The following RAB2A variants were observed in gnomAD, a reference collection of about 807,000 sequenced individuals.
RAB2A encodes RAB2A, member RAS oncogene family.
RAB2A carries 7 observed loss-of-function variants against 32.5 expected under a neutral mutation model. The ratio of observed to expected loss-of-function variants is 0.22; its 90% CI spans 0.12 to 0.40. The LOEUF (loss-of-function observed/expected upper bound fraction) is 0.40, where lower values mean the gene tolerates loss of function less well. Among genes scored for constraint, RAB2A ranks in the 10% least tolerant of loss-of-function variants. RAB2A has a pLI of 1.00. For synonymous variants in RAB2A, 79 were observed against 85.2 expected (o/e 0.93, Z 0.40); for missense variants, 108 against 260.7 (o/e 0.41, Z 4.03).
intron 6 of RAB2A, among the ~76,000 whole-genome samples, chr8:60,594,502 C>CT (rs1289341054): frequency 2.6e-5 from 4 of 152,262 alleles, no homozygotes; most frequent in Non-Finnish European, 5.9e-5. Context: ...TTTTATTATA[C>CT]TTTAAGTTCT....
intron 1 of RAB2A, among the ~76,000 whole-genome samples, chr8:60,544,485 T>C (rs10957144): frequency 0.55 from 82,656 of 151,132 alleles, 26,115 homozygotes; most frequent in African/African-American, 0.88. Context: ...AAAATGCTAC[T>C]ACATTTTATC....
At chr8:60,517,591 C>T (rs1006496643) in intron 1 of RAB2A, among the ~76,000 whole-genome samples, 94 of 152,210 alleles carry the variant, frequency 6.2e-4, no homozygotes, top group African/African-American at 2.2e-3. Flanking sequence ...ACCCCCAGGG[C>T]CCCTTGCGTT....
chr8:60,549,261 C>A (rs1258045548), intron 1 of RAB2A, among the ~76,000 whole-genome samples: 1 of 152,246 alleles, frequency 6.6e-6, no homozygotes. Flanking sequence ...AGGCTGCAAT[C>A]TTGGCACTTT....
intron 6 of RAB2A, among the ~76,000 whole-genome samples, chr8:60,600,879 A>G (rs1463057399): frequency 6.6e-6 from 1 of 152,230 alleles, no homozygotes; most frequent in African/African-American, 2.4e-5. Context: ...AATTTTTGTA[A>G]CAATGTACTA....
chr8:60,619,984 C>A (rs983123379), intron 7 of RAB2A, among the ~76,000 whole-genome samples: 1 of 152,194 alleles, frequency 6.6e-6, no homozygotes, highest in Admixed American at 6.5e-5. Context: ...TGCCAGAAAC[C>A]CCAAGGCTAC....
At chr8:60,566,682 T>C (rs1371559174) in intron 2 of RAB2A, among the ~76,000 whole-genome samples, 1 of 152,196 alleles carries the variant, frequency 6.6e-6, no homozygotes, top group Non-Finnish European at 1.5e-5. Context: ...CTGGTGGACA[T>C]TGGGCTTCTA....
intron 3 of RAB2A, among the ~76,000 whole-genome samples, chr8:60,577,311 A>G (rs1170776180): frequency 1.3e-5 from 2 of 152,192 alleles, no homozygotes; most frequent in Non-Finnish European, 2.9e-5. Flanking sequence ...GGCCTCCCAA[A>G]GTGCTGGGAT....
At chr8:60,585,283 TTTTGTTTTGTTTTG>T (rs1416632872) in intron 5 of RAB2A, among the ~76,000 whole-genome samples, 3 of 41,896 alleles carry the variant, frequency 7.2e-5, no homozygotes, top group African/African-American at 7.0e-4. Flanking sequence ...GCACCATTCT[TTTTGTTTTGTTTTG>T]TTTTGTTTTG....
chr8:60,623,306 C>T lies in RAB2A; in HGVS notation c.*2537C>T, dbSNP rs746605936. 6.6e-6 allele frequency: 1 copy of T among 152,168 alleles called. No individual in the cohort carries two copies. Among genetic ancestry groups the T allele is most frequent in the Non-Finnish European group, 1.5e-5 (1 of 68,026 alleles). The allele number at this position is 152,168 out of a possible 1,614,324, so 9.4% of individuals were successfully genotyped here. ...CAGGAAAATAGTCCCTATTTATCTGCTAATGGTCAAAAAGAGTTAGGATAT... is the reference window on the plus strand; with the variant it reads ...CAGGAAAATAGTCCCTATTTATCTGTTAATGGTCAAAAAGAGTTAGGATAT... On this transcript the variant is annotated 3_prime_UTR_variant, in exon 8 of 8. Transcript: ENST00000262646.
Position 60,584,272 on chromosome 8 carries a change from T to C in RAB2A, c.251T>C (p.Leu84Pro). 6.2e-7 allele frequency: 1 copy of C among 1,601,878 alleles called. No individual in the cohort carries two copies. The highest frequency in any genetic ancestry group is 8.6e-7 in the Non-Finnish European group (1 of 1,168,908). ...TACAGAGGTGCAGCAGGAGCTTTAC[T>C]AGTTTACGATATTACACGGTGAGAA... ...SYYRGAAGAL[L>P]VYDITRRDTF... Residue 84 changes from leucine (L) to proline (P), a missense_variant, in exon 4 of 8, where the codon CTA becomes CCA. Leu to Pro is a moderately conservative substitution (Grantham distance 98). Coordinates refer to ENST00000262646, the MANE Select transcript of RAB2A (RefSeq NM_002865.3).
intron 1 of RAB2A, among the ~76,000 whole-genome samples, chr8:60,539,782 A>G (rs1024336815): frequency 2.0e-5 from 3 of 152,148 alleles, no homozygotes; most frequent in Non-Finnish European, 4.4e-5. Context: ...GTACAATAAC[A>G]TTTGAACTGG....
At chr8:60,519,232 A>C (rs1397975071) in intron 1 of RAB2A, among the ~76,000 whole-genome samples, 2 of 152,200 alleles carry the variant, frequency 1.3e-5, no homozygotes. Flanking sequence ...CTGAAGCATG[A>C]ATGTCAAAAG....
At chr8:60,576,863 C>A (rs919635096) in intron 3 of RAB2A, among the ~76,000 whole-genome samples, 1 of 152,082 alleles carries the variant, frequency 6.6e-6, no homozygotes, top group Non-Finnish European at 1.5e-5. Context: ...CTTAGAGCTC[C>A]AACTGTTCTT....
chr8:60,587,754 C>G (rs934279293), intron 5 of RAB2A, among the ~76,000 whole-genome samples: 1 of 149,128 alleles, frequency 6.7e-6, no homozygotes, highest in Non-Finnish European at 1.5e-5. Context: ...GCAATTTTAC[C>G]TATCAATTTA....
intron 3 of RAB2A, 49 bp downstream of exon 3, chr8:60,572,162 G>T: frequency 7.3e-7 from 1 of 1,362,778 alleles, no homozygotes; most frequent in Non-Finnish European, 1.0e-6. Flanking sequence ...GTTACTTTAT[G>T]AAAGTACATC....
At chr8:60,582,970 A>G (rs1260624815) in intron 3 of RAB2A, among the ~76,000 whole-genome samples, 3 of 148,598 alleles carry the variant, frequency 2.0e-5, no homozygotes, top group African/African-American at 7.4e-5. Context: ...TTTTCACTCA[A>G]CAGGCTTTCT....
At chr8:60,526,968 C>CAAA (rs34685368) in intron 1 of RAB2A, among the ~76,000 whole-genome samples, 2 of 91,644 alleles carry the variant, frequency 2.2e-5, no homozygotes, top group Admixed American at 1.1e-4. Flanking sequence ...GACTCCATCT[C>CAAA]AAAAAAAAAA....
intron 5 of RAB2A, among the ~76,000 whole-genome samples, chr8:60,591,144 A>T (rs1329385839): frequency 6.6e-6 from 1 of 151,824 alleles, no homozygotes. Context: ...AAGTTTTTTA[A>T]CTTTAAAAAT....
intron 7 of RAB2A, among the ~76,000 whole-genome samples, chr8:60,619,336 A>G (rs2150440158): frequency 6.6e-6 from 1 of 152,326 alleles, no homozygotes. Context: ...ATGTGGATGT[A>G]GCCTACTTAT....
Sources: allele counts gnomAD v4.1 joint callset (sites outside exome capture counted in the v4.1 genomes callset), GRCh38; gene constraint gnomAD v4.1.1; transcripts MANE v1.5; gene names NCBI Gene and HGNC (gene_info 2026-07-23, HGNC 2026-07-21).